The following PRKCE variants were observed in gnomAD, a reference collection of about 807,000 sequenced individuals.
The protein encoded by PRKCE is protein kinase C epsilon.
A neutral mutation model predicts 85.4 loss-of-function variants in PRKCE; 16 were observed. That is an observed-to-expected ratio of 0.19 (90% CI 0.13 to 0.28). PRKCE has a LOEUF of 0.28. PRKCE is among the 10% of genes least tolerant of loss of function. The probability of loss-of-function intolerance (pLI) is 1.00; values close to 1 mark genes in which losing one functional copy is unlikely to be tolerated. For missense variants in PRKCE, 573 were observed against 975.2 expected (o/e 0.59, Z 5.49); for synonymous variants, 388 against 371.5 (o/e 1.04, Z -0.51).
At chr2:45,749,213 T>C (rs1233859779) in intron 1 of PRKCE, among the ~76,000 whole-genome samples, 1 of 152,222 alleles carries the variant, frequency 6.6e-6, no homozygotes, top group Non-Finnish European at 1.5e-5. Context: ...TAATGGGTTC[T>C]TGAACCATCT....
intron 4 of PRKCE, 116 bp from the exon 5 acceptor site, chr2:45,980,178 GCT>G (rs1702770246): frequency 2.4e-6 from 2 of 827,678 alleles, no homozygotes; most frequent in African/African-American, 3.4e-5. Flanking sequence ...TTAAATTAAG[GCT>G]CAGTGGCAGA....
At chr2:46,101,278 G>A (rs544064555) in intron 11 of PRKCE, among the ~76,000 whole-genome samples, 8 of 152,290 alleles carry the variant, frequency 5.3e-5, no homozygotes, top group Admixed American at 3.9e-4. Context: ...TAAGAGTTAT[G>A]ATAGAAAAAA....
intron 1 of PRKCE, among the ~76,000 whole-genome samples, chr2:45,695,102 C>T (rs748887785): frequency 6.6e-6 from 1 of 152,156 alleles, no homozygotes; most frequent in Non-Finnish European, 1.5e-5. Context: ...GAAACTTTCT[C>T]CCAGCAGCTT....
At chr2:45,767,754 T>C (rs191008564) in intron 1 of PRKCE, among the ~76,000 whole-genome samples, 1 of 152,378 alleles carries the variant, frequency 6.6e-6, no homozygotes, top group East Asian at 1.9e-4. Context: ...GACCCATGTG[T>C]TGGATTCCTT....
At chr2:45,799,030 G>A (rs996755793) in intron 1 of PRKCE, among the ~76,000 whole-genome samples, 1 of 152,016 alleles carries the variant, frequency 6.6e-6, no homozygotes, top group African/African-American at 2.4e-5. Flanking sequence ...GCCGGGCATG[G>A]TGGTGGGCTC....
intron 2 of PRKCE, among the ~76,000 whole-genome samples, chr2:45,960,034 T>C (rs1209874766): frequency 6.6e-6 from 1 of 152,228 alleles, no homozygotes; most frequent in Non-Finnish European, 1.5e-5. Flanking sequence ...ATTTTTCACA[T>C]CGTTTTTTCA....
rs1047634146 is a variant in PRKCE, at chr2:45,743,807, G to A, written c.348+91359G>A. On this transcript the variant is annotated intron_variant, in intron 1 of 14. Coordinates refer to ENST00000306156, the MANE Select transcript of PRKCE (RefSeq NM_005400.3). ...CAGACTCCACAGAGAGCTTGATTCCGGCTCTGGTTCCTACAGATGTTCTGT... is the reference window on the plus strand; with the variant it reads ...CAGACTCCACAGAGAGCTTGATTCCAGCTCTGGTTCCTACAGATGTTCTGT... Among the ~76,000 whole-genome samples, 23 of 152,124 alleles carry A rather than the reference G, an allele frequency of 1.5e-4. No individual in the cohort carries two copies. The East Asian group carries it at 3.3e-3, about 22-fold the overall frequency.
intron 2 of PRKCE, among the ~76,000 whole-genome samples, chr2:45,933,553 A>G (rs924235491): frequency 5.9e-5 from 8 of 136,436 alleles, no homozygotes; most frequent in African/African-American, 2.2e-4. Context: ...GGCTCACTGC[A>G]AGCTCCACCT....
At chr2:45,876,896 T>C (rs1694520360) in intron 2 of PRKCE, among the ~76,000 whole-genome samples, 1 of 152,256 alleles carries the variant, frequency 6.6e-6, no homozygotes, top group African/African-American at 2.4e-5. Context: ...CTTAACTTTC[T>C]TGACTTCTTT....
At chr2:46,032,894 G>A (rs1377072559) in intron 10 of PRKCE, among the ~76,000 whole-genome samples, 3 of 152,164 alleles carry the variant, frequency 2.0e-5, no homozygotes, top group Non-Finnish European at 4.4e-5. Context: ...GTTTTCAACT[G>A]TGAGAAAAGA....
chr2:46,158,301 C>T (rs1250726674), intron 13 of PRKCE, among the ~76,000 whole-genome samples: 2 of 152,120 alleles, frequency 1.3e-5, no homozygotes, highest in South Asian at 2.1e-4. Context: ...GACATTCAAC[C>T]AGAGGGAAGA....
At chr2:45,782,963 T>C (rs1202864862) in intron 1 of PRKCE, among the ~76,000 whole-genome samples, 1 of 152,174 alleles carries the variant, frequency 6.6e-6, no homozygotes, top group Non-Finnish European at 1.5e-5. Flanking sequence ...ACTTCCTCTA[T>C]ATTATTTCAT....
chr2:45,711,543 T>C (rs979419117), intron 1 of PRKCE, among the ~76,000 whole-genome samples: 11 of 152,240 alleles, frequency 7.2e-5, no homozygotes, highest in African/African-American at 2.7e-4. Flanking sequence ...GCCTGGTGCC[T>C]AGCAAATATT....
chr2:45,927,546 G>A (rs1399091061), intron 2 of PRKCE, among the ~76,000 whole-genome samples: 3 of 152,128 alleles, frequency 2.0e-5, no homozygotes, highest in Admixed American at 6.5e-5. Flanking sequence ...CGTGCCCCAG[G>A]ACCAAACCTC....
chr2:46,049,125 G>T (rs1455889602), intron 10 of PRKCE, among the ~76,000 whole-genome samples: 1 of 152,126 alleles, frequency 6.6e-6, no homozygotes, highest in Non-Finnish European at 1.5e-5. Context: ...GAGATACAAG[G>T]TCTGTCTTTC....
intron 1 of PRKCE, among the ~76,000 whole-genome samples, chr2:45,691,306 G>A (rs1046332072): frequency 1.3e-5 from 2 of 152,304 alleles, no homozygotes; most frequent in South Asian, 4.1e-4. Flanking sequence ...CCTGTTGCTG[G>A]TCTGCAGTGT....
intron 2 of PRKCE, among the ~76,000 whole-genome samples, chr2:45,933,573 A>G (rs1345396894): frequency 7.1e-6 from 1 of 139,902 alleles, no homozygotes; most frequent in Non-Finnish European, 1.5e-5. Flanking sequence ...TCCCGGGTTC[A>G]CGCCATTCTC....
At chr2:45,799,800 A>T (rs1400660166) in intron 1 of PRKCE, among the ~76,000 whole-genome samples, 1 of 152,174 alleles carries the variant, frequency 6.6e-6, no homozygotes, top group African/African-American at 2.4e-5. Flanking sequence ...TCTTGCTGAG[A>T]TGATGTCAGA....
intron 2 of PRKCE, among the ~76,000 whole-genome samples, chr2:45,975,913 G>A (rs572187649): frequency 7.2e-5 from 11 of 152,310 alleles, no homozygotes; most frequent in African/African-American, 2.6e-4. Context: ...GATTTATTAG[G>A]CAGCTACTTC....
Sources: allele counts gnomAD v4.1 joint callset (sites outside exome capture counted in the v4.1 genomes callset), GRCh38; gene constraint gnomAD v4.1.1; transcripts MANE v1.5; gene names NCBI Gene and HGNC (gene_info 2026-07-23, HGNC 2026-07-21).